Variants in LDAH observed in about 807,000 individuals in gnomAD.
The protein encoded by LDAH is lipid droplet-associated hydrolase.
A neutral mutation model predicts 29.6 loss-of-function variants in LDAH; 26 were observed. The observed-to-expected ratio is 0.88, with a 90% CI of 0.64 to 1.22. LDAH has a LOEUF of 1.22. Among genes scored for constraint, LDAH ranks in the 50% most tolerant of loss-of-function variants. The pLI is 0.00. For synonymous variants in LDAH, 117 were observed against 133.0 expected (o/e 0.88, Z 0.83); for missense variants, 344 against 387.3 (o/e 0.89, Z 0.94).
intron 5 of LDAH, among the ~76,000 whole-genome samples, chr2:20,716,720 G>GTATATATATATATATATATATA (rs1362301507): frequency 0.013 from 1,729 of 130,240 alleles, 89 homozygotes; most frequent in East Asian, 0.023. Context: ...AGAACTTTAA[G>GTATATATATATATATATATATA]TATATATACA....
At chr2:20,715,705 G>T (rs931302098) in intron 5 of LDAH, among the ~76,000 whole-genome samples, 1 of 152,160 alleles carries the variant, frequency 6.6e-6, no homozygotes, top group Non-Finnish European at 1.5e-5. Flanking sequence ...AAATCAATGT[G>T]CAAAAATCCC....
At chr2:20,771,535 C>T (rs934429939) in intron 4 of LDAH, among the ~76,000 whole-genome samples, 2 of 152,214 alleles carry the variant, frequency 1.3e-5, no homozygotes, top group African/African-American at 4.8e-5. Flanking sequence ...TTCAGGCATG[C>T]AGGCACTGCG....
At position 20,723,950 on chromosome 2, in the gene LDAH, T is replaced by C. The variant is rs559336694; in HGVS notation, c.703+16021A>G. On this transcript the variant is annotated intron_variant, in intron 5 of 6. Coordinates refer to ENST00000237822, the MANE Select transcript of LDAH (RefSeq NM_021925.4). ...AAAAAAGACTAATTGAAGAGTCTAA[T>C]GTTATTTACTAACATTATTTTCTAA... 2.6e-5 allele frequency among the ~76,000 whole-genome samples: 4 copies of C among 152,384 alleles called. No individual in the cohort carries two copies. The East Asian group carries it at 5.8e-4, about 22-fold the overall frequency.
chr2:20,747,966 T>TA (rs1355340495), intron 4 of LDAH, among the ~76,000 whole-genome samples: 1 of 152,180 alleles, frequency 6.6e-6, no homozygotes, highest in Non-Finnish European at 1.5e-5. Context: ...ACTATATATT[T>TA]ACGTACAAAA....
chr2:20,717,440 GA>G (rs1247264171), intron 5 of LDAH, among the ~76,000 whole-genome samples: 1 of 152,106 alleles, frequency 6.6e-6, no homozygotes, highest in African/African-American at 2.4e-5. Flanking sequence ...GACAAGAGCA[GA>G]AATTTCAGAA....
chr2:20,729,322 T>C (rs1666239466), intron 5 of LDAH, among the ~76,000 whole-genome samples: 1 of 152,248 alleles, frequency 6.6e-6, no homozygotes, highest in South Asian at 2.1e-4. Context: ...ATTAAAAACA[T>C]TAAGCACTTG....
At chr2:20,716,856 T>C (rs1665243652) in intron 5 of LDAH, among the ~76,000 whole-genome samples, 1 of 92,588 alleles carries the variant, frequency 1.1e-5, no homozygotes, top group African/African-American at 3.1e-5. Flanking sequence ...AATTGGATTT[T>C]TTTTTCCCAG....
intron 6 of LDAH, among the ~76,000 whole-genome samples, chr2:20,691,619 A>G (rs1663036209): frequency 6.6e-6 from 1 of 152,258 alleles, no homozygotes; most frequent in Non-Finnish European, 1.5e-5. Context: ...GTTTACATTC[A>G]AAGGTTTAGA....
At chr2:20,723,214 G>C (rs1359128129) in intron 5 of LDAH, among the ~76,000 whole-genome samples, 2 of 152,166 alleles carry the variant, frequency 1.3e-5, no homozygotes, top group African/African-American at 4.8e-5. Flanking sequence ...ACTGAGAGAA[G>C]TCAGACACAA....
At chr2:20,795,834 A>G (rs1230609467) in intron 2 of LDAH, among the ~76,000 whole-genome samples, 1 of 152,140 alleles carries the variant, frequency 6.6e-6, no homozygotes, top group Non-Finnish European at 1.5e-5. Flanking sequence ...ATGTTATGTC[A>G]GTCTATCAGA....
chr2:20,743,311 C>CT (rs56001378), intron 4 of LDAH, among the ~76,000 whole-genome samples: 8,404 of 135,946 alleles, frequency 0.062, 605 homozygotes, highest in African/African-American at 0.2. Context: ...TCCAAGTCCA[C>CT]TTTTTTTTTT....
chr2:20,808,389 C>T (rs551716683), intron 1 of LDAH, among the ~76,000 whole-genome samples: 9 of 152,056 alleles, frequency 5.9e-5, no homozygotes, highest in East Asian at 1.9e-4. Flanking sequence ...AGGCCGGGCG[C>T]GGTGGCTCAC....
At chr2:20,744,778 C>T (rs1667455771) in intron 4 of LDAH, among the ~76,000 whole-genome samples, 2 of 152,126 alleles carry the variant, frequency 1.3e-5, no homozygotes, top group Non-Finnish European at 1.5e-5. Context: ...TGGTGTTTCC[C>T]CATGAGTGGG....
intron 3 of LDAH, among the ~76,000 whole-genome samples, chr2:20,789,806 T>C (rs958027406): frequency 1.3e-5 from 2 of 152,132 alleles, no homozygotes; most frequent in Non-Finnish European, 2.9e-5. Context: ...TACTGTGAAC[T>C]GTGCATGCCA....
chr2:20,707,520 G>A (rs1171317672), intron 5 of LDAH, among the ~76,000 whole-genome samples: 1 of 152,214 alleles, frequency 6.6e-6, no homozygotes, highest in Non-Finnish European at 1.5e-5. Flanking sequence ...GTTTGGGGAG[G>A]CTACCGCAGT....
intron 1 of LDAH, among the ~76,000 whole-genome samples, chr2:20,804,050 A>T (rs1671902105): frequency 6.6e-6 from 1 of 152,094 alleles, no homozygotes; most frequent in African/African-American, 2.4e-5. Flanking sequence ...AAAGGAAATC[A>T]CCTCTTCCTC....
At chr2:20,755,097 A>C (rs545003674) in intron 4 of LDAH, among the ~76,000 whole-genome samples, 1 of 151,280 alleles carries the variant, frequency 6.6e-6, no homozygotes, top group Non-Finnish European at 1.5e-5. Context: ...TTATCCTCAA[A>C]CGGTTCAAGA....
In LDAH at chr2:20,684,753, C is replaced by T. The variant is rs150831223; in HGVS notation, c.*2150G>A. 7.7e-4 allele frequency: 804 copies of T among 1,039,234 alleles called. 3 individuals are homozygous for T. The highest frequency in any genetic ancestry group is 3.5e-3 in the Admixed American group (132 of 37,788). 64.4% of individuals were successfully genotyped at this position (1,039,234 alleles called of 1,614,324 possible). A position where few individuals can be genotyped will look rare whatever the true frequency, so the allele number is the denominator to read the frequency against. ...GGTCAAAGCTCAATCGCTGAGCACT[C>T]GGTAACTCTGCAGGAAGTTAAAACT... On this transcript the variant is annotated 3_prime_UTR_variant, in exon 7 of 7. Transcript: ENST00000237822.
At chr2:20,696,760 C>T (rs969370324) in intron 6 of LDAH, among the ~76,000 whole-genome samples, 1 of 152,158 alleles carries the variant, frequency 6.6e-6, no homozygotes, top group Non-Finnish European at 1.5e-5. Context: ...CACCAGGTGC[C>T]TCATGAAACA....
Sources: gnomAD v4.1 joint callset for allele counts (sites outside exome capture counted in the v4.1 genomes callset) on GRCh38, gnomAD v4.1.1 for gene constraint, MANE v1.5 for transcripts, NCBI Gene and HGNC (gene_info 2026-07-23, HGNC 2026-07-21) for gene names.